PDE1C: variants seen among roughly 807,000 people sequenced by gnomAD.
PDE1C encodes dual specificity calcium/calmodulin-dependent 3',5'-cyclic nucleotide phosphodiesterase 1C.
Under a neutral mutation model 93.1 loss-of-function variants are expected in PDE1C, and 62 were observed. The ratio of observed to expected loss-of-function variants is 0.67; its 90% CI spans 0.54 to 0.82. PDE1C has a LOEUF of 0.82. Among genes scored for constraint, PDE1C ranks in the 40% least tolerant of loss-of-function variants. PDE1C has a pLI of 0.00. For missense variants in PDE1C, 742 were observed against 884.6 expected (o/e 0.84, Z 2.04); for synonymous variants, 325 against 310.1 (o/e 1.05, Z -0.50).
chr7:31,725,467 G>C, the PDE1C span, among the ~76,000 whole-genome samples: 1 of 152,214 alleles, frequency 6.6e-6, no homozygotes, highest in Non-Finnish European at 1.5e-5. Context: ...AGCTACAACT[G>C]AGAACTTCCT....
At chr7:32,016,378 G>C (rs1787909694) in intron 2 of PDE1C, among the ~76,000 whole-genome samples, 2 of 152,214 alleles carry the variant, frequency 1.3e-5, no homozygotes, top group Admixed American at 6.5e-5. Context: ...ATCAGTATCA[G>C]AGTAACCTAT....
chr7:32,208,015 T>A (rs918843091), intron 2 of PDE1C, among the ~76,000 whole-genome samples: 1 of 152,186 alleles, frequency 6.6e-6, no homozygotes, highest in Non-Finnish European at 1.5e-5. Context: ...TTCAACCTCG[T>A]TGAGCTGTGG....
chr7:32,070,878 C>G, upstream of PDE1C: 1 of 985,972 alleles, frequency 1.0e-6, no homozygotes, highest in Middle Eastern at 5.2e-4. Context: ...GGCGGTGGGG[C>G]CTGACCCGGA....
At chr7:32,136,806 T>C (rs1406245090) in intron 3 of PDE1C, among the ~76,000 whole-genome samples, 1 of 152,208 alleles carries the variant, frequency 6.6e-6, no homozygotes, top group African/African-American at 2.4e-5. Flanking sequence ...ACAGAGGAAG[T>C]GTCTGGGCCT....
At chr7:32,195,658 C>G (rs1804558190) in intron 2 of PDE1C, among the ~76,000 whole-genome samples, 1 of 151,998 alleles carries the variant, frequency 6.6e-6, no homozygotes, top group Non-Finnish European at 1.5e-5. Flanking sequence ...TCAAAACCAG[C>G]CTGGGCAACA....
At chr7:32,188,954 A>G (rs1326482581) in intron 2 of PDE1C, among the ~76,000 whole-genome samples, 2 of 152,212 alleles carry the variant, frequency 1.3e-5, no homozygotes, top group Non-Finnish European at 2.9e-5. Flanking sequence ...ACAGCTAGTT[A>G]TCACAATAAG....
intron 1 of PDE1C, among the ~76,000 whole-genome samples, chr7:32,326,859 T>C (rs1783413790): frequency 6.6e-6 from 1 of 151,998 alleles, no homozygotes; most frequent in Non-Finnish European, 1.5e-5. Context: ...ATGATAACAA[T>C]CTAGAGGGAA....
intron 2 of PDE1C, among the ~76,000 whole-genome samples, chr7:32,043,382 TC>T (rs1792106476): frequency 6.6e-6 from 1 of 152,178 alleles, no homozygotes; most frequent in African/African-American, 2.4e-5. Flanking sequence ...GAGATTTGCC[TC>T]CTCAGGTAAC....
chr7:31,833,608 G>A (rs1350945830), intron 11 of PDE1C, among the ~76,000 whole-genome samples: 1 of 152,166 alleles, frequency 6.6e-6, no homozygotes, highest in Non-Finnish European at 1.5e-5. Flanking sequence ...GATTCTTGCT[G>A]TGTTTTAGCA....
intron 5 of PDE1C, among the ~76,000 whole-genome samples, chr7:31,876,041 A>C (rs1013303032): frequency 3.3e-5 from 5 of 151,794 alleles, no homozygotes; most frequent in Non-Finnish European, 7.4e-5. Flanking sequence ...TAATGATTCC[A>C]TATGAACTTC....
chr7:31,836,984 C>G (rs747058134), intron 11 of PDE1C, among the ~76,000 whole-genome samples, 196 bp downstream of exon 11: 2 of 152,076 alleles, frequency 1.3e-5, no homozygotes, highest in Non-Finnish European at 2.9e-5. Context: ...GATAAAAATA[C>G]CATAATGTCC....
At chr7:31,668,025 T>A in the PDE1C span, among the ~76,000 whole-genome samples, 1 of 152,066 alleles carries the variant, frequency 6.6e-6, no homozygotes, top group African/African-American at 2.4e-5. Context: ...TTTTTACATG[T>A]GAAAAGAGGG....
At chr7:31,733,553 A>G in the PDE1C span, among the ~76,000 whole-genome samples, 1 of 152,186 alleles carries the variant, frequency 6.6e-6, no homozygotes, top group East Asian at 1.9e-4. Context: ...CTGTCATCAG[A>G]ATCCAGGCTT....
intron 2 of PDE1C, among the ~76,000 whole-genome samples, chr7:31,978,589 G>C (rs987107528): frequency 2.6e-5 from 4 of 152,182 alleles, no homozygotes; most frequent in African/African-American, 9.7e-5. Context: ...TGACCTACAG[G>C]TTTTCAGGTG....
chr7:31,866,557 T>C (rs187646048), intron 6 of PDE1C, among the ~76,000 whole-genome samples: 294 of 152,258 alleles, frequency 1.9e-3, no homozygotes, highest in African/African-American at 6.6e-3. Context: ...CATGAAGTAT[T>C]TGTGGTCATG....
At chr7:31,628,844 CT>C in the PDE1C span, among the ~76,000 whole-genome samples, 1 of 152,188 alleles carries the variant, frequency 6.6e-6, no homozygotes, top group African/African-American at 2.4e-5. Context: ...AGCACTATTT[CT>C]TCTTACTGTC....
At chr7:31,677,311 G>A in the PDE1C span, among the ~76,000 whole-genome samples, 1 of 152,110 alleles carries the variant, frequency 6.6e-6, no homozygotes, top group African/African-American at 2.4e-5. Context: ...ATTTTGTGAA[G>A]GGAGACAATT....
intron 3 of PDE1C, among the ~76,000 whole-genome samples, chr7:32,146,102 G>A (rs895800117): frequency 6.6e-6 from 1 of 152,128 alleles, no homozygotes. Flanking sequence ...CTGCCGTGTG[G>A]CTCAGTTTCA....
intron 17 of PDE1C, among the ~76,000 whole-genome samples, chr7:31,756,600 T>A (rs188905884): frequency 6.6e-6 from 1 of 152,030 alleles, no homozygotes; most frequent in African/African-American, 2.4e-5. Flanking sequence ...TAATAATAAT[T>A]AATAATAATA....
Sources: allele counts gnomAD v4.1 joint callset (sites outside exome capture counted in the v4.1 genomes callset), GRCh38; gene constraint gnomAD v4.1.1; transcripts MANE v1.5; gene names NCBI Gene and HGNC (gene_info 2026-07-23, HGNC 2026-07-21).